The following APBB2 variants were observed in gnomAD, a reference collection of about 807,000 sequenced individuals.
APBB2 encodes the protein Fe65-like 1.
In APBB2, 38 loss-of-function variants were observed where a neutral mutation model predicts 82.5. That is an observed-to-expected ratio of 0.46 (90% CI 0.36 to 0.60). The LOEUF (loss-of-function observed/expected upper bound fraction) is 0.60, where lower values mean the gene tolerates loss of function less well. Ranked by LOEUF, APBB2 falls within the 20% of genes least tolerant of loss-of-function variation. The pLI, the probability that APBB2 is intolerant of heterozygous loss-of-function variation, is 0.00. For missense variants in APBB2, 772 were observed against 972.3 expected (o/e 0.79, Z 2.74); for synonymous variants, 341 against 368.2 (o/e 0.93, Z 0.85).
At chr4:40,977,785 T>TAA (rs753321635) in intron 6 of APBB2, among the ~76,000 whole-genome samples, 14 of 152,284 alleles carry the variant, frequency 9.2e-5, no homozygotes, top group East Asian at 5.8e-4. Flanking sequence ...GTGACAGATA[T>TAA]AAAAATGATC....
chr4:41,111,084 A>G (rs1749038741), intron 2 of APBB2, among the ~76,000 whole-genome samples: 1 of 152,204 alleles, frequency 6.6e-6, no homozygotes, highest in Non-Finnish European at 1.5e-5. Context: ...CCTCGCATGC[A>G]CAAGTCACAA....
At chr4:40,883,200 C>T (rs928423578) in intron 12 of APBB2, among the ~76,000 whole-genome samples, 2 of 150,520 alleles carry the variant, frequency 1.3e-5, no homozygotes, top group Admixed American at 1.3e-4. Flanking sequence ...TGCCCTATAC[C>T]CTTTTATAAT....
intron 1 of APBB2, among the ~76,000 whole-genome samples, chr4:41,179,832 AG>A (rs1770840473): frequency 6.6e-6 from 1 of 152,242 alleles, no homozygotes; most frequent in Non-Finnish European, 1.5e-5. Flanking sequence ...AGAACTACAA[AG>A]GGTTAATAAC....
intron 1 of APBB2, among the ~76,000 whole-genome samples, chr4:41,201,555 AAGATATTTTAC>A (rs1345005395): frequency 6.6e-6 from 1 of 152,206 alleles, no homozygotes; most frequent in African/African-American, 2.4e-5. Flanking sequence ...AGTATCACTA[AAGATATTTTAC>A]AGATGGGAAA....
chr4:40,835,396 G>C (rs1446775451), intron 12 of APBB2, among the ~76,000 whole-genome samples: 1 of 152,124 alleles, frequency 6.6e-6, no homozygotes, highest in Non-Finnish European at 1.5e-5. Context: ...CCCGTCTAAT[G>C]TTACAGACGG....
At position 40,962,239 on chromosome 4, in the gene APBB2, T is replaced by A. The variant is rs901025250; in HGVS notation, c.836-17166A>T. Among the ~76,000 whole-genome samples the A allele has an allele frequency of 2.6e-5, 4 of 152,136 alleles. No homozygotes were observed. The East Asian group carries it at 5.8e-4, about 22-fold the overall frequency. ...AGGGATGCATGTATAGAAACTGCCA[T>A]TTTTTTTAACGCTTCTCAAAAATAG... On this transcript the variant is annotated intron_variant, in intron 6 of 17. Coordinates refer to ENST00000508593, the MANE Select transcript of APBB2 (RefSeq NM_004307.2).
intron 4 of APBB2, among the ~76,000 whole-genome samples, chr4:41,037,706 G>A (rs1381091445): frequency 1.3e-5 from 2 of 152,106 alleles, no homozygotes; most frequent in East Asian, 1.9e-4. Context: ...TCCTGATCTA[G>A]AGAATGTAGA....
chr4:41,101,832 G>T (rs1389805831), intron 2 of APBB2, among the ~76,000 whole-genome samples: 1 of 151,744 alleles, frequency 6.6e-6, no homozygotes, highest in African/African-American at 2.4e-5. Context: ...GGTGGCATGC[G>T]CCTGTAATCC....
chr4:40,893,185 T>C (rs557018306), intron 11 of APBB2, 80 bp downstream of exon 11: 7 of 1,536,906 alleles, frequency 4.6e-6, no homozygotes, highest in Middle Eastern at 1.7e-4. Context: ...CTCAGTACCA[T>C]GTGTCACTGA....
At chr4:41,176,739 A>C (rs1002418229) in intron 1 of APBB2, among the ~76,000 whole-genome samples, 5 of 152,186 alleles carry the variant, frequency 3.3e-5, no homozygotes, top group African/African-American at 9.7e-5. Context: ...ACAAATGAAA[A>C]GCTAATGCAA....
intron 10 of APBB2, among the ~76,000 whole-genome samples, chr4:40,909,170 T>C (rs988168488): frequency 2.6e-5 from 4 of 152,198 alleles, no homozygotes; most frequent in Non-Finnish European, 1.5e-5. Context: ...ATCACCATTA[T>C]TTGCAATGCC....
chr4:41,212,757 T>C (rs1779645041), intron 1 of APBB2, among the ~76,000 whole-genome samples: 1 of 152,126 alleles, frequency 6.6e-6, no homozygotes, highest in Non-Finnish European at 1.5e-5. Flanking sequence ...CCCACCACCT[T>C]CCGCCCTATG....
intron 5 of APBB2, among the ~76,000 whole-genome samples, chr4:41,030,787 A>G (rs748291121): frequency 2.0e-5 from 3 of 152,174 alleles, no homozygotes; most frequent in African/African-American, 4.8e-5. Context: ...ATCCATTCTG[A>G]AAGGGAAAAA....
chr4:40,868,863 C>T (rs955373594), intron 12 of APBB2, among the ~76,000 whole-genome samples: 3 of 152,120 alleles, frequency 2.0e-5, no homozygotes, highest in African/African-American at 7.2e-5. Flanking sequence ...TAACTTTTTT[C>T]TTTCACATCA....
At chr4:40,825,770 T>G in intron 15 of APBB2, 117 bp downstream of exon 15, 3 of 768,634 alleles carry the variant, frequency 3.9e-6, no homozygotes, top group South Asian at 3.0e-5. Context: ...GTGTGACAGT[T>G]TGATTCAAGA....
In APBB2 at chr4:41,160,027, A is replaced by AAGG. The variant is rs1560914477; in HGVS notation, c.-416-16886_-416-16885insCCT. On this transcript the variant is annotated intron_variant, in intron 1 of 17. Transcript: ENST00000508593. ...GAAGAAGAAGAAGAAGAAGAAGAAGAAGAAGAAGAAAACATCACAGGATGC... is the reference window on the plus strand; with the variant it reads ...GAAGAAGAAGAAGAAGAAGAAGAAGAAGGAGAAGAAGAAAACATCACAGGATGC... Among the ~76,000 whole-genome samples, 16 of 147,452 alleles carry AAGG rather than the reference A, an allele frequency of 1.1e-4. No individual in the cohort carries two copies. In the East Asian group the frequency reaches 3.2e-3, roughly 29 times the overall value.
intron 12 of APBB2, among the ~76,000 whole-genome samples, chr4:40,870,092 A>G (rs1376719353): frequency 6.6e-6 from 1 of 152,170 alleles, no homozygotes; most frequent in Non-Finnish European, 1.5e-5. Flanking sequence ...TCTGGCAATA[A>G]ACCGCTCACC....
At position 40,881,214 on chromosome 4, in the gene APBB2, A is replaced by C; in HGVS notation, c.1529+9150T>G. Reference sequence around the variant, plus strand: ...AATTAACTCCAGAGGTCAAGACAATACTATAGTGTAGGGAGAGAATTATTG... The same window carrying C: ...AATTAACTCCAGAGGTCAAGACAATCCTATAGTGTAGGGAGAGAATTATTG... On this transcript the variant is annotated intron_variant, in intron 12 of 17. Coordinates refer to ENST00000508593, the MANE Select transcript of APBB2 (RefSeq NM_004307.2). 3 of 985,404 alleles carry C rather than the reference A, an allele frequency of 3.0e-6. 1 individual carries two copies. In the South Asian group the frequency reaches 1.4e-4, roughly 46 times the overall value. The allele number at this position is 985,404 out of a possible 1,614,324, so 61.0% of individuals were successfully genotyped here.
rs532441402 is a variant in APBB2, at chr4:40,881,177, G to A, written c.1529+9187C>T. 6.2e-5 allele frequency: 61 copies of A among 985,398 alleles called. No individual in the cohort carries two copies. In the African/African-American group the frequency reaches 9.9e-4, roughly 16 times the overall value. 61.0% of individuals were successfully genotyped at this position (985,398 alleles called of 1,614,324 possible). The stretch of plus-strand genomic sequence containing the variant: ...TGATGCCTCTGCTTATCATGGAGCT[G>A]CATTAAAGAGAAATTAACTCCAGAG... On this transcript the variant is annotated intron_variant, in intron 12 of 17. Coordinates refer to ENST00000508593, the MANE Select transcript of APBB2 (RefSeq NM_004307.2).
Sources: gnomAD v4.1 joint callset for allele counts (sites outside exome capture counted in the v4.1 genomes callset) on GRCh38, gnomAD v4.1.1 for gene constraint, MANE v1.5 for transcripts, NCBI Gene and HGNC (gene_info 2026-07-23, HGNC 2026-07-21) for gene names.